Variants in PTPRG observed in about 807,000 individuals in gnomAD.
PTPRG encodes the protein protein tyrosine phosphatase receptor type G.
Under a neutral mutation model 165.3 loss-of-function variants are expected in PTPRG, and 102 were observed. The ratio of observed to expected loss-of-function variants is 0.62; its 90% CI spans 0.53 to 0.73. The LOEUF is 0.73. Ranked by LOEUF, PTPRG falls within the 30% of genes least tolerant of loss-of-function variation. The pLI is 0.00. For missense variants in PTPRG, 1,866 were observed against 1,861.4 expected (o/e 1.00, Z -0.05); for synonymous variants, 675 against 669.5 (o/e 1.01, Z -0.13).
intron 5 of PTPRG, among the ~76,000 whole-genome samples, chr3:62,119,614 AT>A (rs1702988022): frequency 6.7e-6 from 1 of 150,296 alleles, no homozygotes; most frequent in Admixed American, 6.6e-5. Context: ...TTTTTTTTTA[AT>A]TTTTTTATTT....
intron 1 of PTPRG, among the ~76,000 whole-genome samples, chr3:61,693,922 C>T (rs891945153): frequency 4.0e-5 from 6 of 150,422 alleles, no homozygotes; most frequent in Admixed American, 6.7e-5. Context: ...GCAGGAGAAT[C>T]GCTTGAACCC....
chr3:61,838,933 G>A (rs909756216), intron 2 of PTPRG, among the ~76,000 whole-genome samples: 1 of 152,114 alleles, frequency 6.6e-6, no homozygotes. Flanking sequence ...TGCTTAATAG[G>A]CTAGTCTTTA....
chr3:61,988,216 G>A (rs928400191), intron 2 of PTPRG, among the ~76,000 whole-genome samples: 4 of 152,044 alleles, frequency 2.6e-5, no homozygotes, highest in South Asian at 2.1e-4. Context: ...GTGAGGCTGC[G>A]GTATTTTCCA....
At chr3:61,619,739 A>G (rs545784246) in intron 1 of PTPRG, among the ~76,000 whole-genome samples, 1 of 152,336 alleles carries the variant, frequency 6.6e-6, no homozygotes, top group Non-Finnish European at 1.5e-5. Context: ...AAGGTGAGCT[A>G]TGAATTAGTG....
intron 5 of PTPRG, among the ~76,000 whole-genome samples, chr3:62,130,660 G>A (rs888934356): frequency 6.6e-6 from 1 of 152,096 alleles, no homozygotes; most frequent in African/African-American, 2.4e-5. Flanking sequence ...TTGAAACTTG[G>A]CCACTTTTAC....
chr3:61,682,603 C>T (rs1409083642), intron 1 of PTPRG, among the ~76,000 whole-genome samples: 2 of 152,094 alleles, frequency 1.3e-5, no homozygotes, highest in Non-Finnish European at 2.9e-5. Context: ...GGATTTTTTC[C>T]AATTAGTTTA....
intron 1 of PTPRG, among the ~76,000 whole-genome samples, chr3:61,638,092 C>T (rs1701963895): frequency 6.6e-6 from 1 of 152,178 alleles, no homozygotes; most frequent in Admixed American, 6.5e-5. Flanking sequence ...GTTAACTCTT[C>T]AACTGCTGTT....
chr3:61,934,391 G>A (rs541876898), intron 2 of PTPRG, among the ~76,000 whole-genome samples: 9 of 151,760 alleles, frequency 5.9e-5, no homozygotes, highest in East Asian at 3.9e-4. Context: ...ATCTTTTCTC[G>A]GTGTGTGCAT....
intron 2 of PTPRG, among the ~76,000 whole-genome samples, chr3:61,923,951 T>C (rs1170185714): frequency 6.6e-6 from 1 of 152,202 alleles, no homozygotes; most frequent in Non-Finnish European, 1.5e-5. Flanking sequence ...GGAGAAACAT[T>C]CATTTCCATT....
At chr3:62,239,502 T>A (rs1210159913) in intron 14 of PTPRG, among the ~76,000 whole-genome samples, 1 of 151,766 alleles carries the variant, frequency 6.6e-6, no homozygotes, top group Admixed American at 6.6e-5. Flanking sequence ...CCCGAGTAGC[T>A]GGAACTACAG....
chr3:62,006,112 G>A (rs1340325128), intron 4 of PTPRG, among the ~76,000 whole-genome samples: 1 of 152,108 alleles, frequency 6.6e-6, no homozygotes, highest in African/African-American at 2.4e-5. Context: ...CAGCCACCAT[G>A]CCCAGGCTTA....
chr3:62,038,246 A>G (rs1033740808), intron 4 of PTPRG, among the ~76,000 whole-genome samples: 3 of 152,240 alleles, frequency 2.0e-5, no homozygotes, highest in Non-Finnish European at 4.4e-5. Flanking sequence ...TTGTTTGCAC[A>G]ATCTCTCCCT....
chr3:61,758,382 A>G (rs961883034), intron 2 of PTPRG, among the ~76,000 whole-genome samples: 2 of 152,214 alleles, frequency 1.3e-5, no homozygotes, highest in Admixed American at 1.3e-4. Flanking sequence ...GGTAAATAAC[A>G]TATTGTTGGT....
chr3:62,093,958 C>G (rs1222836347), intron 5 of PTPRG, among the ~76,000 whole-genome samples: 1 of 152,184 alleles, frequency 6.6e-6, no homozygotes, highest in African/African-American at 2.4e-5. Context: ...CTTACCTTCT[C>G]TCTTCCTTTT....
intron 1 of PTPRG, among the ~76,000 whole-genome samples, chr3:61,712,788 T>C (rs1405924969): frequency 1.3e-5 from 2 of 152,222 alleles, no homozygotes; most frequent in Non-Finnish European, 2.9e-5. Flanking sequence ...GAATATCTTC[T>C]TTTGCTTATG....
intron 4 of PTPRG, among the ~76,000 whole-genome samples, chr3:62,074,893 C>G (rs555558289): frequency 2.0e-5 from 3 of 152,082 alleles, no homozygotes; most frequent in Admixed American, 6.5e-5. Flanking sequence ...CAGCCTCTGT[C>G]CAAACTTGGA....
chr3:62,021,728 G>C (rs2041695463), intron 4 of PTPRG, among the ~76,000 whole-genome samples: 1 of 152,026 alleles, frequency 6.6e-6, no homozygotes. Flanking sequence ...TTATATGTCA[G>C]CTCTGAAACT....
At chr3:61,792,981 C>G (rs1489880507) in intron 2 of PTPRG, among the ~76,000 whole-genome samples, 1 of 152,110 alleles carries the variant, frequency 6.6e-6, no homozygotes, top group Non-Finnish European at 1.5e-5. Context: ...GCCACTTCGG[C>G]CTTCCAAAGT....
intron 2 of PTPRG, among the ~76,000 whole-genome samples, chr3:61,833,703 C>T (rs2036376240): frequency 6.6e-6 from 1 of 152,098 alleles, no homozygotes; most frequent in South Asian, 2.1e-4. Context: ...GCTGGAACTA[C>T]AGGTACCCGC....
Sources: allele counts gnomAD v4.1 joint callset (sites outside exome capture counted in the v4.1 genomes callset), GRCh38; gene constraint gnomAD v4.1.1; transcripts MANE v1.5; gene names NCBI Gene and HGNC (gene_info 2026-07-23, HGNC 2026-07-21).